KCNT2: variants seen among roughly 807,000 people sequenced by gnomAD.
KCNT2 encodes the protein potassium sodium-activated channel subfamily T member 2.
KCNT2 carries 67 observed loss-of-function variants against 153.8 expected under a neutral mutation model. That is an observed-to-expected ratio of 0.44 (90% CI 0.36 to 0.53). The LOEUF (loss-of-function observed/expected upper bound fraction) is 0.53. Among genes scored for constraint, KCNT2 ranks in the 20% least tolerant of loss-of-function variants. KCNT2 has a pLI of 0.00. For synonymous variants in KCNT2, 500 were observed against 458.8 expected, an observed-to-expected ratio of 1.09 and a Z score of -1.15; for missense variants, 975 against 1,354.8, an observed-to-expected ratio of 0.72 and a Z score of 4.40.
At position 196,368,148 on chromosome 1, in the gene KCNT2, A is replaced by G. The variant is rs545607208; in HGVS notation, c.1403+4992T>C. Among the ~76,000 whole-genome samples the G allele has an allele frequency of 2.0e-5, 3 of 152,286 alleles. No individual in the cohort carries two copies. The South Asian group carries it at 6.2e-4, about 32-fold the overall frequency. ...GAGATATTACATTACATGGGGCAGAACACATTTTTAACTAATGCAATATTC... is the reference window on the plus strand; with the variant it reads ...GAGATATTACATTACATGGGGCAGAGCACATTTTTAACTAATGCAATATTC... On this transcript the variant is annotated intron_variant, in intron 14 of 27. Transcript: ENST00000294725.
intron 18 of KCNT2, among the ~76,000 whole-genome samples, chr1:196,327,709 C>G (rs947612882): frequency 2.0e-5 from 3 of 149,042 alleles, no homozygotes; most frequent in Non-Finnish European, 4.4e-5. Flanking sequence ...TCCTGCCGCC[C>G]AGGCTGGAGT....
chr1:196,482,509 A>G, intron 3 of KCNT2, 130 bp from the exon 4 acceptor site: 2 of 516,304 alleles, frequency 3.9e-6, no homozygotes, highest in Non-Finnish European at 6.7e-6. Flanking sequence ...TCAACATTTG[A>G]AAAAACGTTG....
chr1:196,524,665 T>C (rs1440676700), intron 1 of KCNT2, among the ~76,000 whole-genome samples: 1 of 152,190 alleles, frequency 6.6e-6, no homozygotes, highest in Non-Finnish European at 1.5e-5. Flanking sequence ...ATATATTTTG[T>C]GTTAAGGAAA....
At chr1:196,518,239 C>G (rs925485895) in intron 1 of KCNT2, among the ~76,000 whole-genome samples, 12 of 152,042 alleles carry the variant, frequency 7.9e-5, no homozygotes, top group African/African-American at 2.9e-4. Flanking sequence ...CCATCAAGCC[C>G]ACCTTAGAAT....
intron 22 of KCNT2, among the ~76,000 whole-genome samples, chr1:196,289,877 A>G (rs1660025999): frequency 6.6e-6 from 1 of 152,094 alleles, no homozygotes; most frequent in African/African-American, 2.4e-5. Context: ...CTAAAAGAAT[A>G]CCAATGACAT....
intron 1 of KCNT2, among the ~76,000 whole-genome samples, chr1:196,551,267 G>A (rs1298029535): frequency 2.0e-5 from 3 of 151,804 alleles, no homozygotes; most frequent in South Asian, 2.1e-4. Flanking sequence ...AAGTAGTATA[G>A]CTGTATTTGT....
intron 22 of KCNT2, among the ~76,000 whole-genome samples, chr1:196,292,352 A>G (rs1660259529): frequency 6.6e-6 from 1 of 152,222 alleles, no homozygotes; most frequent in Non-Finnish European, 1.5e-5. Context: ...TAAAAACTCC[A>G]CAGCTAACAT....
chr1:196,555,589 A>G (rs1658534021), intron 1 of KCNT2, among the ~76,000 whole-genome samples: 1 of 151,446 alleles, frequency 6.6e-6, no homozygotes, highest in Admixed American at 6.6e-5. Context: ...AAAGCAATCT[A>G]CTTATTCAAT....
intron 21 of KCNT2, among the ~76,000 whole-genome samples, chr1:196,305,999 C>A (rs1661598544): frequency 6.6e-6 from 1 of 152,070 alleles, no homozygotes; most frequent in Non-Finnish European, 1.5e-5. Context: ...CCAAAATGAG[C>A]ACACATACGT....
intron 3 of KCNT2, among the ~76,000 whole-genome samples, chr1:196,483,410 T>G (rs1679168877): frequency 6.6e-6 from 1 of 152,206 alleles, no homozygotes; most frequent in Admixed American, 6.5e-5. Context: ...TCTTTTGCCT[T>G]CTACCATTTT....
chr1:196,540,118 T>C (rs1478754934), intron 1 of KCNT2, among the ~76,000 whole-genome samples: 1 of 152,174 alleles, frequency 6.6e-6, no homozygotes, highest in African/African-American at 2.4e-5. Context: ...TATAGTTCTA[T>C]GCTGTTGTTG....
intron 8 of KCNT2, among the ~76,000 whole-genome samples, chr1:196,435,408 A>T (rs898995447): frequency 2.7e-5 from 4 of 150,932 alleles, no homozygotes; most frequent in African/African-American, 9.7e-5. Flanking sequence ...AAAATTGGGG[A>T]ATTTGAAATG....
chr1:196,608,286 C>T lies in KCNT2; in HGVS notation c.24G>A (p.Val8=), dbSNP rs375102050. 2.9e-5 allele frequency: 46 copies of T among 1,613,976 alleles called. No individual in the cohort carries two copies. Among genetic ancestry groups the T allele is most frequent in the Non-Finnish European group, 3.8e-5 (45 of 1,179,966 alleles). Residue 8 remains valine (V), a synonymous_variant, in exon 1 of 28, where the codon GTG becomes GTA. Transcript: ENST00000294725. MVDLESE[V]PPLPPRYRFR... is the part of the protein sequence containing the mutation. ...ACCTGTACCTGGGAGGCAGAGGGGG[C>T]ACTTCGCTCTCCAAATCAACCATCC...
At chr1:196,328,232 A>G (rs543197245) in intron 18 of KCNT2, among the ~76,000 whole-genome samples, 56 of 152,274 alleles carry the variant, frequency 3.7e-4, no homozygotes, top group Middle Eastern at 3.4e-3. Flanking sequence ...TGAAGTAAAG[A>G]GTGTAACTCA....
At chr1:196,237,050 C>T (rs1297011892) in intron 26 of KCNT2, among the ~76,000 whole-genome samples, 5 of 151,594 alleles carry the variant, frequency 3.3e-5, no homozygotes, top group African/African-American at 1.2e-4. Flanking sequence ...TTCAGTTTGA[C>T]CCAAAGTCTA....
At chr1:196,567,508 G>T (rs1051995028) in intron 1 of KCNT2, among the ~76,000 whole-genome samples, 1 of 152,096 alleles carries the variant, frequency 6.6e-6, no homozygotes. Context: ...ATAACTGATG[G>T]TTGGGATCCA....
chr1:196,319,389 C>G (rs543051010), intron 20 of KCNT2, 95 bp downstream of exon 20: 3 of 663,232 alleles, frequency 4.5e-6, no homozygotes, highest in Non-Finnish European at 7.8e-6. Context: ...AATACTGACA[C>G]GGCAAATTAC....
At chr1:196,544,602 T>C (rs1199569596) in intron 1 of KCNT2, among the ~76,000 whole-genome samples, 2 of 152,132 alleles carry the variant, frequency 1.3e-5, no homozygotes, top group Non-Finnish European at 2.9e-5. Flanking sequence ...AAGGGCAATA[T>C]GGGAAAATTT....
At chr1:196,601,233 G>C (rs1664683367) in intron 1 of KCNT2, among the ~76,000 whole-genome samples, 1 of 152,144 alleles carries the variant, frequency 6.6e-6, no homozygotes, top group Admixed American at 6.5e-5. Flanking sequence ...TCTCAACACA[G>C]ATTTCTTTGA....
Sources: allele counts gnomAD v4.1 joint callset (sites outside exome capture counted in the v4.1 genomes callset), GRCh38; gene constraint gnomAD v4.1.1; transcripts MANE v1.5; gene names NCBI Gene and HGNC (gene_info 2026-07-23, HGNC 2026-07-21).